Variants in EXT1 observed in about 807,000 individuals in gnomAD.
EXT1 encodes exostosin-1.
EXT1 carries 20 observed loss-of-function variants against 82.5 expected under a neutral mutation model. That is an observed-to-expected ratio of 0.24 (90% CI 0.17 to 0.35). The LOEUF (loss-of-function observed/expected upper bound fraction) is 0.35. EXT1 is among the 10% of genes least tolerant of loss of function. The probability of loss-of-function intolerance (pLI) is 1.00; values close to 1 mark genes in which losing one functional copy is unlikely to be tolerated. For synonymous variants in EXT1, 348 were observed against 350.8 expected, an observed-to-expected ratio of 0.99 and a Z score of 0.09; for missense variants, 757 against 936.5, an observed-to-expected ratio of 0.81 and a Z score of 2.50.
intron 1 of EXT1, among the ~76,000 whole-genome samples, chr8:117,953,987 T>C (rs1461783179): frequency 6.6e-6 from 1 of 152,232 alleles, no homozygotes; most frequent in Admixed American, 6.5e-5. Context: ...TGGCACTGTC[T>C]TGCATGCTTT....
chr8:118,058,308 G>A (rs2129937460), intron 1 of EXT1, among the ~76,000 whole-genome samples: 1 of 152,236 alleles, frequency 6.6e-6, no homozygotes, highest in African/African-American at 2.4e-5. Flanking sequence ...AGTAGAAGTA[G>A]CCAATACCTC....
intron 1 of EXT1, among the ~76,000 whole-genome samples, chr8:118,074,474 G>A (rs751010893): frequency 6.6e-6 from 1 of 152,142 alleles, no homozygotes; most frequent in Non-Finnish European, 1.5e-5. Flanking sequence ...CAGAGGGCGC[G>A]GAGGCCCGGG....
At chr8:117,832,964 C>A (rs921151968) in intron 3 of EXT1, among the ~76,000 whole-genome samples, 3 of 152,012 alleles carry the variant, frequency 2.0e-5, no homozygotes, top group African/African-American at 7.3e-5. Flanking sequence ...ATGGAATGCA[C>A]CAGAATAGAT....
chr8:118,017,215 A>C (rs1321057171), intron 1 of EXT1, among the ~76,000 whole-genome samples: 1 of 152,112 alleles, frequency 6.6e-6, no homozygotes, highest in African/African-American at 2.4e-5. Context: ...TACTAAGTAA[A>C]ACCTACCTCA....
At chr8:117,844,072 A>G (rs1302555424) in intron 1 of EXT1, among the ~76,000 whole-genome samples, 1 of 152,014 alleles carries the variant, frequency 6.6e-6, no homozygotes, top group East Asian at 1.9e-4. Context: ...TCATCTATTT[A>G]CTAACCATGT....
chr8:118,003,607 T>C (rs1466655038), intron 1 of EXT1, among the ~76,000 whole-genome samples: 1 of 152,140 alleles, frequency 6.6e-6, no homozygotes, highest in African/African-American at 2.4e-5. Context: ...ACTCAAAAAA[T>C]ATTCATAGGT....
chr8:117,862,629 G>C (rs1211412555), intron 1 of EXT1, among the ~76,000 whole-genome samples: 1 of 145,418 alleles, frequency 6.9e-6, no homozygotes, highest in African/African-American at 2.4e-5. Flanking sequence ...ATCTACAAAG[G>C]GGAATTAGAC....
At chr8:117,886,659 C>T (rs1813151967) in intron 1 of EXT1, among the ~76,000 whole-genome samples, 1 of 152,184 alleles carries the variant, frequency 6.6e-6, no homozygotes, top group African/African-American at 2.4e-5. Flanking sequence ...TTTACCCAGT[C>T]ATCAGCCACC....
At chr8:118,095,127 C>A (rs1460802144) in intron 1 of EXT1, among the ~76,000 whole-genome samples, 1 of 152,096 alleles carries the variant, frequency 6.6e-6, no homozygotes, top group Non-Finnish European at 1.5e-5. Flanking sequence ...CACCAACACT[C>A]CCTATATTCT....
intron 1 of EXT1, among the ~76,000 whole-genome samples, chr8:117,944,015 C>A (rs1171290555): frequency 6.6e-6 from 1 of 152,200 alleles, no homozygotes; most frequent in Non-Finnish European, 1.5e-5. Context: ...CAGAAACTCT[C>A]ATTTCCGTAT....
intron 1 of EXT1, among the ~76,000 whole-genome samples, chr8:117,972,124 C>T (rs138645230): frequency 0.012 from 1,743 of 142,256 alleles, 31 homozygotes; most frequent in African/African-American, 0.042. Flanking sequence ...CAGTCCAGCC[C>T]GGGCAACAAG....
rs1219134793 is a variant in EXT1, at chr8:117,795,192, C to G, written c.*4520G>C. On this transcript the variant is annotated 3_prime_UTR_variant, in exon 11 of 11. Transcript: ENST00000378204. ...CTTTCTCAAGGTTTGCCTTCTTCTC[C>G]TAGTTGCTGGGCCATGTTAAGTTCC... 3.3e-5 allele frequency: 5 copies of G among 152,222 alleles called. No individual in the cohort carries two copies. The highest frequency in any genetic ancestry group is 1.2e-4 in the African/African-American group (5 of 41,448). The allele number at this position is 152,222 out of a possible 1,614,324, so 9.4% of individuals were successfully genotyped here. A position where few individuals can be genotyped will look rare whatever the true frequency, so the allele number is the denominator to read the frequency against.
intron 1 of EXT1, among the ~76,000 whole-genome samples, chr8:117,901,781 C>T (rs1426835722): frequency 2.0e-5 from 3 of 152,088 alleles, no homozygotes; most frequent in Non-Finnish European, 2.9e-5. Flanking sequence ...ACTGCAGCCT[C>T]GACCTCCCAG....
rs777687338 is a variant in EXT1, at chr8:117,906,263, T to C, written c.963-69062A>G. ...AATTTAATTTTGATTGATTTAATTC[T>C]TGGAACACAAGTTCGGAACCCATCT... On this transcript the variant is annotated intron_variant, in intron 1 of 10. Coordinates refer to ENST00000378204, the MANE Select transcript of EXT1 (RefSeq NM_000127.3). Among the ~76,000 whole-genome samples the C allele has an allele frequency of 7.5e-4, 114 of 152,238 alleles. 1 individual carries two copies. The highest frequency in any genetic ancestry group is 3.1e-4 in the Non-Finnish European group (21 of 68,050).
intron 1 of EXT1, among the ~76,000 whole-genome samples, chr8:118,025,094 T>C (rs1161921719): frequency 6.6e-6 from 1 of 152,152 alleles, no homozygotes; most frequent in Non-Finnish European, 1.5e-5. Flanking sequence ...AAGGACAAGC[T>C]AGGAGAAGCA....
intron 1 of EXT1, among the ~76,000 whole-genome samples, chr8:118,056,569 G>A (rs1299520746): frequency 2.0e-5 from 3 of 152,114 alleles, no homozygotes; most frequent in African/African-American, 7.3e-5. Context: ...AGTCTGAAAA[G>A]GGACCGTTTG....
chr8:118,034,655 A>G (rs1302122852), intron 1 of EXT1, among the ~76,000 whole-genome samples: 1 of 152,116 alleles, frequency 6.6e-6, no homozygotes, highest in Non-Finnish European at 1.5e-5. Flanking sequence ...GGAGTGGAGT[A>G]GCACACGACA....
intron 1 of EXT1, among the ~76,000 whole-genome samples, chr8:117,978,567 G>C (rs1402976328): frequency 2.6e-5 from 4 of 152,182 alleles, no homozygotes; most frequent in Admixed American, 6.5e-5. Flanking sequence ...TTATGAGGTG[G>C]AGTAGGGAAG....
intron 2 of EXT1, among the ~76,000 whole-genome samples, chr8:117,836,440 G>A (rs17452687): frequency 0.09 from 13,724 of 152,244 alleles, 790 homozygotes; most frequent in African/African-American, 0.17. Context: ...TGCAGGGCAA[G>A]AGGAGGAAAG....
Sources: gnomAD v4.1 joint callset for allele counts (sites outside exome capture counted in the v4.1 genomes callset) on GRCh38, gnomAD v4.1.1 for gene constraint, MANE v1.5 for transcripts, NCBI Gene and HGNC (gene_info 2026-07-23, HGNC 2026-07-21) for gene names.